TRIM50: variants seen among roughly 807,000 people sequenced by gnomAD.
TRIM50 encodes tripartite motif containing 50, also known as E3 ubiquitin-protein ligase TRIM50.
In TRIM50, 34 loss-of-function variants were observed where a neutral mutation model predicts 44.9. The observed-to-expected ratio is 0.76, with a 90% CI of 0.58 to 1.01. The LOEUF (loss-of-function observed/expected upper bound fraction) is 1.01, where lower values mean the gene tolerates loss of function less well. Among genes scored for constraint, TRIM50 ranks in the 50% least tolerant of loss-of-function variants. The pLI is 0.00. For synonymous variants in TRIM50, 307 were observed against 291.1 expected (o/e 1.05, Z -0.56); for missense variants, 633 against 663.7 (o/e 0.95, Z 0.51).
At chr7:73,315,140 T>C in intron 6 of TRIM50, 1 of 264,528 alleles carries the variant, frequency 3.8e-6, no homozygotes, top group Non-Finnish European at 7.6e-6. Flanking sequence ...GGCAGTGTCC[T>C]GGGTCCCAAG....
At chr7:73,325,176 A>C (rs1398299515) in intron 1 of TRIM50, among the ~76,000 whole-genome samples, 1 of 152,072 alleles carries the variant, frequency 6.6e-6, no homozygotes, top group African/African-American at 2.4e-5. Flanking sequence ...CTGAACAGCA[A>C]AACCTAGGCA....
chr7:73,322,777 C>T (rs1434348628), intron 2 of TRIM50, among the ~76,000 whole-genome samples: 1 of 152,192 alleles, frequency 6.6e-6, no homozygotes, highest in Non-Finnish European at 1.5e-5. Flanking sequence ...ACTATGTAGA[C>T]TCTCCTGGGT....
At chr7:73,324,209 T>G (rs1804559050) in intron 2 of TRIM50, among the ~76,000 whole-genome samples, 180 bp downstream of exon 2, 1 of 152,154 alleles carries the variant, frequency 6.6e-6, no homozygotes, top group Admixed American at 6.6e-5. Flanking sequence ...TTCGTGTGGC[T>G]TCAATCCCCG....
intron 1 of TRIM50, among the ~76,000 whole-genome samples, chr7:73,326,605 A>G (rs1804634738): frequency 6.6e-6 from 1 of 151,944 alleles, no homozygotes; most frequent in Admixed American, 6.6e-5. Context: ...AACTCCTAAC[A>G]AGGACAGCCA....
chr7:73,313,461 C>T lies in TRIM50; in HGVS notation c.924G>A (p.Glu308=), dbSNP rs782489513. 1 of 1,543,872 alleles carries T rather than the reference C, an allele frequency of 6.5e-7. No individual in the cohort carries two copies. The highest frequency in any genetic ancestry group is 8.7e-7 in the Non-Finnish European group (1 of 1,149,686). ...GCACCACCGTGTTGCCCTTGGAGAG[C>T]TCCAGGAGTGGGTGGGCAGTGGCAG... ...LDPATAHPLL[E]LSKGNTVVQC... The change falls in exon 7 of 7, where the codon GAG becomes GAA. Residue 308 remains glutamate (E), a synonymous_variant. Coordinates refer to ENST00000333149, the MANE Select transcript of TRIM50 (RefSeq NM_178125.3). The surrounding 1 kb of genome is among the most constrained non-coding windows in gnomAD (Gnocchi z 4.9).
rs1804571242 is a variant in TRIM50, at chr7:73,324,489, C to A, written c.299G>T (p.Cys100Phe). Residue 100 changes from cysteine to phenylalanine, a missense_variant, in exon 2 of 7, where the codon TGC becomes TTC. Transcript: ENST00000333149. ...ACAGATGAGCTCCTGGTCCTTCTCG[C>A]AGAAAAGGCTGAGCGGGTTCCGGTG... Reference protein sequence around the residue: ...VHHRNPLSLFCEKDQELICGL... With the variant: ...VHHRNPLSLFFEKDQELICGL... The A allele has an allele frequency of 6.2e-7, 1 of 1,613,664 alleles. No homozygotes were observed. Among genetic ancestry groups the A allele is most frequent in the African/African-American group, 1.3e-5 (1 of 74,920 alleles).
At chr7:73,319,647 T>C (rs546711767) in intron 3 of TRIM50, among the ~76,000 whole-genome samples, 3 of 152,326 alleles carry the variant, frequency 2.0e-5, no homozygotes, top group African/African-American at 4.8e-5. Flanking sequence ...TGAGGGAGGC[T>C]GAGTGCTCCT....
At chr7:73,314,466 A>C in intron 6 of TRIM50, 1 of 408,958 alleles carries the variant, frequency 2.4e-6, no homozygotes, top group Non-Finnish European at 4.8e-6. Context: ...ACTGAGAAGA[A>C]AGCTGCCAGC....
Position 73,316,681 on chromosome 7 carries a change from A to G in TRIM50, c.758T>C (p.Met253Thr). 6.2e-7 allele frequency: 1 copy of G among 1,614,030 alleles called. No individual in the cohort carries two copies. The highest frequency in any genetic ancestry group is 1.3e-5 in the African/African-American group (1 of 75,042). ...KFHSMASRAEMPQARPLEGAF... is the reference protein window; with the variant it reads ...KFHSMASRAETPQARPLEGAF... ...GCCTTCTAAGGGCCGGGCCTGCGGC[A>G]TCTCTGCTCTGCAGGTGACAGTTCA... The change falls in exon 6 of 7, where the codon ATG (methionine) becomes ACG (threonine). Residue 253 changes from methionine to threonine, a missense_variant. By Grantham distance (81) the Met-to-Thr change is moderately conservative. Coordinates refer to ENST00000333149, the MANE Select transcript of TRIM50 (RefSeq NM_178125.3).
In TRIM50 at chr7:73,318,864, C is replaced by G. The variant is rs781829417; in HGVS notation, c.684G>C (p.Val228=). The G allele has an allele frequency of 1.9e-6, 3 of 1,613,992 alleles. No homozygotes were observed. Among genetic ancestry groups the G allele is most frequent in the Non-Finnish European group, 2.5e-6 (3 of 1,179,872 alleles). ...GGTCCTCATTGCCGAACTGTTCCAG[C>G]ACACACTCGGCTTGGGCCAGCCGCT... ...TRERLAQAEC[V]LEQFGNEDHH... is the part of the protein sequence containing the mutation. Residue 228 remains valine, a synonymous_variant, in exon 4 of 7, where the codon GTG becomes GTC. Transcript: ENST00000333149.
chr7:73,325,018 G>A (rs1804593096), intron 1 of TRIM50, among the ~76,000 whole-genome samples: 1 of 106,460 alleles, frequency 9.4e-6, no homozygotes, highest in South Asian at 3.6e-4. Flanking sequence ...GAAGATATGT[G>A]TGTGTGTGTG....
intron 1 of TRIM50, among the ~76,000 whole-genome samples, chr7:73,326,870 A>G (rs1583788759): frequency 6.6e-6 from 1 of 151,404 alleles, no homozygotes; most frequent in Non-Finnish European, 1.5e-5. Flanking sequence ...GCTCATTGCA[A>G]CCTCCGCCTC....
intron 1 of TRIM50, among the ~76,000 whole-genome samples, chr7:73,326,824 CTT>C (rs1255376023): frequency 5.9e-5 from 9 of 152,030 alleles, no homozygotes; most frequent in South Asian, 2.1e-4. Context: ...GAGTTTTGCT[CTT>C]GTTACCCAGG....
chr7:73,319,482 T>G (rs1432060469), intron 3 of TRIM50, among the ~76,000 whole-genome samples: 1 of 152,064 alleles, frequency 6.6e-6, no homozygotes, highest in African/African-American at 2.4e-5. Flanking sequence ...CTATTAAATG[T>G]GCATATCCCA....
At position 73,313,305 on chromosome 7, in the gene TRIM50, G is replaced by A; in HGVS notation, c.1080C>T (p.Asp360=). The part of the protein sequence containing the change: ...YWEVVVGSKS[D]WRLGVIKGTA... ...TGCCCTTGATGACCCCCAGGCGCCA[G>A]TCGCTCTTGCTGCCCACCACCACCT... The change falls in exon 7 of 7, where the codon GAC becomes GAT. Residue 360 remains aspartate (D), a synonymous_variant. Transcript: ENST00000333149. This position sits in a 1 kb window ranked among gnomAD's most constrained non-coding sequence, Gnocchi z 4.9. 1.2e-6 allele frequency: 2 copies of A among 1,605,912 alleles called. No homozygotes were observed. The highest frequency in any genetic ancestry group is 1.7e-6 in the Non-Finnish European group (2 of 1,177,140).
intron 2 of TRIM50, among the ~76,000 whole-genome samples, chr7:73,321,465 A>T (rs1309410104): frequency 7.2e-5 from 11 of 152,162 alleles, no homozygotes; most frequent in Non-Finnish European, 1.0e-4. Context: ...GGCCTGGGTT[A>T]AACCTGGTGA....
At chr7:73,318,284 A>G (rs1804406064) in intron 5 of TRIM50, among the ~76,000 whole-genome samples, 1 of 152,110 alleles carries the variant, frequency 6.6e-6, no homozygotes, top group African/African-American at 2.4e-5. Flanking sequence ...ACATGACACC[A>G]TGCCCAACTA....
Position 73,328,080 on chromosome 7 carries a change from T to C in TRIM50, c.-199A>G. The C allele has an allele frequency of 1.0e-6, 1 of 992,644 alleles. No homozygotes were observed. Among genetic ancestry groups the C allele is most frequent in the Non-Finnish European group, 1.5e-6 (1 of 660,520 alleles). 61.5% of individuals were successfully genotyped at this position (992,644 alleles called of 1,614,324 possible). A position where few individuals can be genotyped will look rare whatever the true frequency, so the allele number is the denominator to read the frequency against. Reference sequence around the variant, plus strand: ...CGCTACCGCGCGTGCCCCATCATGCTCTGCGCGCTCCCATTACGTGCCGCC... The same window carrying C: ...CGCTACCGCGCGTGCCCCATCATGCCCTGCGCGCTCCCATTACGTGCCGCC... On this transcript the variant is annotated 5_prime_UTR_variant, in exon 1 of 7. Coordinates refer to ENST00000333149, the MANE Select transcript of TRIM50 (RefSeq NM_178125.3).
At chr7:73,325,709 G>C (rs1273482831) in intron 1 of TRIM50, 1 of 153,706 alleles carries the variant, frequency 6.5e-6, no homozygotes, top group African/African-American at 2.4e-5. Flanking sequence ...GGCAGCCTTT[G>C]TTGGGCCTGC....
Sources: allele counts gnomAD v4.1 joint callset (sites outside exome capture counted in the v4.1 genomes callset), GRCh38; gene constraint gnomAD v4.1.1; non-coding constraint Gnocchi (gnomAD v3.1); transcripts MANE v1.5; gene names NCBI Gene and HGNC (gene_info 2026-07-23, HGNC 2026-07-21).